PTPRT: variants seen among roughly 807,000 people sequenced by gnomAD.
PTPRT encodes receptor-type tyrosine-protein phosphatase T.
In PTPRT, 56 loss-of-function variants were observed where a neutral mutation model predicts 176.8. The observed-to-expected ratio is 0.32, with a 90% CI of 0.26 to 0.40. The LOEUF (loss-of-function observed/expected upper bound fraction) is 0.40, where lower values mean the gene tolerates loss of function less well. PTPRT is among the 10% of genes least tolerant of loss of function. The pLI, the probability that PTPRT is intolerant of heterozygous loss-of-function variation, is 1.00. For synonymous variants in PTPRT, 783 were observed against 739.0 expected (o/e 1.06, Z -0.96); for missense variants, 1,540 against 1,908.2 (o/e 0.81, Z 3.60).
chr20:42,791,152 T>C (rs758449592), intron 3 of PTPRT, 43 bp downstream of exon 3: 4 of 1,532,930 alleles, frequency 2.6e-6, no homozygotes, highest in Non-Finnish European at 3.5e-6. Context: ...TGTATAGATT[T>C]ATTACAAATT....
intron 7 of PTPRT, among the ~76,000 whole-genome samples, chr20:42,558,990 T>C (rs1242529402): frequency 6.6e-6 from 1 of 152,166 alleles, no homozygotes; most frequent in Admixed American, 6.5e-5. Flanking sequence ...CAAGGCTGTG[T>C]GAGTTTTCTG....
At chr20:42,262,973 G>A (rs2056775049) in intron 13 of PTPRT, among the ~76,000 whole-genome samples, 1 of 152,186 alleles carries the variant, frequency 6.6e-6, no homozygotes, top group Non-Finnish European at 1.5e-5. Flanking sequence ...CTTGATCCTA[G>A]AGGATGAGTA....
intron 16 of PTPRT, among the ~76,000 whole-genome samples, chr20:42,192,177 C>T (rs1991027546): frequency 6.6e-6 from 1 of 152,162 alleles, no homozygotes; most frequent in African/African-American, 2.4e-5. Flanking sequence ...TGACATCACA[C>T]ACCATCAAGT....
intron 17 of PTPRT, among the ~76,000 whole-genome samples, chr20:42,156,173 A>G (rs1173759674): frequency 6.6e-6 from 1 of 152,154 alleles, no homozygotes; most frequent in Non-Finnish European, 1.5e-5. Context: ...CATGTCTTCC[A>G]GAAAGCCACT....
At chr20:42,695,211 G>A (rs951109886) in intron 6 of PTPRT, among the ~76,000 whole-genome samples, 2 of 152,108 alleles carry the variant, frequency 1.3e-5, no homozygotes, top group Admixed American at 1.3e-4. Context: ...CTTTCACAGA[G>A]CAAAAATTTT....
chr20:43,026,405 C>T (rs572138272), intron 1 of PTPRT, among the ~76,000 whole-genome samples: 4 of 152,216 alleles, frequency 2.6e-5, no homozygotes, highest in East Asian at 1.9e-4. Context: ...TGTTAGCCAC[C>T]GAAGCCCAGC....
intron 2 of PTPRT, among the ~76,000 whole-genome samples, chr20:42,866,624 T>G (rs2078751186): frequency 6.6e-6 from 1 of 152,184 alleles, no homozygotes. Context: ...TGACTTAATC[T>G]CTGATGAATC....
At chr20:42,993,480 A>G (rs1461567738) in intron 1 of PTPRT, among the ~76,000 whole-genome samples, 1 of 107,140 alleles carries the variant, frequency 9.3e-6, no homozygotes, top group Non-Finnish European at 1.9e-5. Context: ...ATATACACAT[A>G]TATGTGTGTG....
At position 42,350,214 on chromosome 20, in the gene PTPRT, G is replaced by GTTTTTTTT. The variant is rs764181357; in HGVS notation, c.1865+406_1865+413dup. On this transcript the variant is annotated intron_variant, in intron 11 of 30. Transcript: ENST00000373187. ...TCAGGTCCTGATTAGGATGTTTCTT[G>GTTTTTTTT]TTTTTTTTTTTTTTTTTTTTTTTTT... Among the ~76,000 whole-genome samples, 297 of 58,226 alleles carry GTTTTTTTT rather than the reference G, an allele frequency of 5.1e-3. 9 individuals are homozygous for GTTTTTTTT. Among genetic ancestry groups the GTTTTTTTT allele is most frequent in the Middle Eastern group, 0.01 (1 of 100 alleles). 38.2% of individuals were successfully genotyped at this position (58,226 alleles called of 152,430 possible).
intron 28 of PTPRT, among the ~76,000 whole-genome samples, chr20:42,085,210 G>T (rs1301337531): frequency 6.6e-6 from 1 of 152,136 alleles, no homozygotes; most frequent in Non-Finnish European, 1.5e-5. Flanking sequence ...CTGAGCAGGG[G>T]GGTAGGGGAG....
intron 17 of PTPRT, among the ~76,000 whole-genome samples, chr20:42,149,851 T>A (rs1989045170): frequency 6.6e-6 from 1 of 152,186 alleles, no homozygotes; most frequent in African/African-American, 2.4e-5. Context: ...AAAATTATCA[T>A]CTGGTACCCG....
chr20:42,865,169 G>T (rs886986412), intron 2 of PTPRT, among the ~76,000 whole-genome samples: 5 of 152,154 alleles, frequency 3.3e-5, no homozygotes, highest in African/African-American at 1.2e-4. Context: ...CTGCTTTATA[G>T]AACCTGTGTG....
chr20:42,402,598 C>T (rs1337655987), intron 9 of PTPRT, among the ~76,000 whole-genome samples: 3 of 151,046 alleles, frequency 2.0e-5, no homozygotes, highest in African/African-American at 7.3e-5. Flanking sequence ...CAATAATATG[C>T]GGCATTTACA....
At chr20:43,005,949 G>C (rs1298845720) in intron 1 of PTPRT, among the ~76,000 whole-genome samples, 1 of 152,134 alleles carries the variant, frequency 6.6e-6, no homozygotes, top group Non-Finnish European at 1.5e-5. Context: ...TATTTTAGTT[G>C]ATATATAGGA....
At chr20:43,021,237 C>CT (rs1985666293) in intron 1 of PTPRT, among the ~76,000 whole-genome samples, 1 of 152,174 alleles carries the variant, frequency 6.6e-6, no homozygotes, top group South Asian at 2.1e-4. Flanking sequence ...CAAACCCCAT[C>CT]TTTGCAAAGT....
intron 9 of PTPRT, among the ~76,000 whole-genome samples, chr20:42,389,390 T>G (rs377128291): frequency 5.9e-5 from 9 of 152,204 alleles, no homozygotes; most frequent in African/African-American, 1.9e-4. Context: ...CATCACATGT[T>G]GAGAGACATG....
chr20:43,119,275 G>A (rs766257322), intron 1 of PTPRT, among the ~76,000 whole-genome samples: 1 of 152,120 alleles, frequency 6.6e-6, no homozygotes, highest in African/African-American at 2.4e-5. Context: ...GTTTGGGGAC[G>A]GCAAGTAGTT....
chr20:42,388,057 G>C (rs1009391470), intron 9 of PTPRT, among the ~76,000 whole-genome samples: 1 of 152,118 alleles, frequency 6.6e-6, no homozygotes, highest in Non-Finnish European at 1.5e-5. Context: ...CCAAAGTGCT[G>C]GGATTACAGG....
At chr20:42,634,041 TTA>T (rs1315947410) in intron 7 of PTPRT, among the ~76,000 whole-genome samples, 23 of 31,762 alleles carry the variant, frequency 7.2e-4, no homozygotes, top group South Asian at 1.4e-3. Context: ...ATTATATATA[TTA>T]TATATATATT....
Sources: allele counts gnomAD v4.1 joint callset (sites outside exome capture counted in the v4.1 genomes callset), GRCh38; gene constraint gnomAD v4.1.1; transcripts MANE v1.5; gene names NCBI Gene and HGNC (gene_info 2026-07-23, HGNC 2026-07-21).